The following LRRC4C variants were observed in gnomAD, a reference collection of about 807,000 sequenced individuals.
LRRC4C encodes the protein leucine-rich repeat-containing protein 4C.
In LRRC4C, 5 loss-of-function variants were observed where a neutral mutation model predicts 33.6. That is an observed-to-expected ratio of 0.15 (90% CI 0.08 to 0.31). The LOEUF (loss-of-function observed/expected upper bound fraction) is 0.31. LRRC4C is among the 10% of genes least tolerant of loss of function. The pLI is 1.00. For missense variants in LRRC4C, 560 were observed against 796.7 expected, an observed-to-expected ratio of 0.70 and a Z score of 3.58; for synonymous variants, 329 against 302.0, an observed-to-expected ratio of 1.09 and a Z score of -0.93.
intron 3 of LRRC4C, among the ~76,000 whole-genome samples, chr11:40,558,076 C>G (rs1957400231): frequency 6.6e-6 from 1 of 151,886 alleles, no homozygotes; most frequent in African/African-American, 2.4e-5. Context: ...GAGAAGATCT[C>G]TGTCTTTGAA....
rs146896274 is a variant in LRRC4C at position 40,509,606 on chromosome 11, C to A, written c.-270+138536G>T. Among the ~76,000 whole-genome samples, 131 of 151,970 alleles carry A rather than the reference C, an allele frequency of 8.6e-4. 1 individual carries two copies. The East Asian group carries it at 0.025, about 29-fold the overall frequency. Reference sequence around the variant, plus strand: ...GTTTTCGGGACTGCCTTCTTTAGTGCATTTCATAGTGCCTAGTAATATTGG... The same window carrying A: ...GTTTTCGGGACTGCCTTCTTTAGTGAATTTCATAGTGCCTAGTAATATTGG... On this transcript the variant is annotated intron_variant, in intron 3 of 6. Coordinates refer to ENST00000528697, the MANE Select transcript of LRRC4C (RefSeq NM_001258419.2).
chr11:40,386,151 T>C (rs1949103153), intron 3 of LRRC4C, among the ~76,000 whole-genome samples: 1 of 151,924 alleles, frequency 6.6e-6, no homozygotes, highest in Non-Finnish European at 1.5e-5. Flanking sequence ...ACAGAATAAC[T>C]GAAAAATATA....
intron 3 of LRRC4C, among the ~76,000 whole-genome samples, chr11:40,325,656 T>G (rs1019981177): frequency 1.3e-5 from 2 of 152,114 alleles, no homozygotes. Context: ...AAACCATATT[T>G]GCTAGGATTA....
At chr11:40,475,651 G>A (rs1953177176) in intron 3 of LRRC4C, among the ~76,000 whole-genome samples, 1 of 151,986 alleles carries the variant, frequency 6.6e-6, no homozygotes, top group Admixed American at 6.6e-5. Context: ...TGGTTCAGTG[G>A]CGCTACTAAT....
chr11:40,221,362 A>T (rs1426771201), intron 5 of LRRC4C, among the ~76,000 whole-genome samples: 1 of 152,176 alleles, frequency 6.6e-6, no homozygotes, highest in Non-Finnish European at 1.5e-5. Context: ...GGATCAGTCT[A>T]TCGGATTGCC....
chr11:40,936,606 G>T (rs1490049560), intron 1 of LRRC4C, among the ~76,000 whole-genome samples: 1 of 151,968 alleles, frequency 6.6e-6, no homozygotes, highest in Admixed American at 6.6e-5. Flanking sequence ...AAAGTGCTGG[G>T]ATTACAGGTG....
At chr11:41,454,080 T>G (rs1332495122) in intron 1 of LRRC4C, among the ~76,000 whole-genome samples, 1 of 152,054 alleles carries the variant, frequency 6.6e-6, no homozygotes, top group Non-Finnish European at 1.5e-5. Flanking sequence ...ACCCACAACC[T>G]GAAGGACAAA....
At chr11:41,193,325 T>C (rs1020850648) in intron 1 of LRRC4C, among the ~76,000 whole-genome samples, 4 of 152,120 alleles carry the variant, frequency 2.6e-5, no homozygotes, top group African/African-American at 9.7e-5. Context: ...ACCATCTGAT[T>C]CAGTCTCTAG....
chr11:40,578,483 G>A (rs1033620240), intron 3 of LRRC4C, among the ~76,000 whole-genome samples: 3 of 151,732 alleles, frequency 2.0e-5, no homozygotes, highest in African/African-American at 4.8e-5. Context: ...TAATTTTTAG[G>A]TCATAAGATG....
intron 3 of LRRC4C, among the ~76,000 whole-genome samples, chr11:40,541,082 G>C (rs1180509224): frequency 2.6e-5 from 4 of 152,076 alleles, no homozygotes; most frequent in Non-Finnish European, 4.4e-5. Flanking sequence ...ATAGAAATGA[G>C]GCACACAAAA....
At position 40,922,376 on chromosome 11, in the gene LRRC4C, C is replaced by T. The variant is rs148349696; in HGVS notation, c.-407+11259G>A. ...TTATCTCTTAAACCATAGCTATTTCCTTTGTAAGGCTGTCCACTTAATCTT... is the reference window on the plus strand; with the variant it reads ...TTATCTCTTAAACCATAGCTATTTCTTTTGTAAGGCTGTCCACTTAATCTT... On this transcript the variant is annotated intron_variant, in intron 2 of 6. Transcript: ENST00000528697. Among the ~76,000 whole-genome samples the T allele has an allele frequency of 2.6e-5, 4 of 152,286 alleles. No individual in the cohort carries two copies. In the East Asian group the frequency reaches 7.7e-4, roughly 29 times the overall value.
chr11:41,013,971 G>A (rs574489296), intron 1 of LRRC4C, among the ~76,000 whole-genome samples: 4 of 152,250 alleles, frequency 2.6e-5, no homozygotes, highest in Admixed American at 1.3e-4. Flanking sequence ...ACCAAGCCAT[G>A]AGGGATCCAC....
At chr11:40,894,134 A>G (rs1180312599) in intron 2 of LRRC4C, among the ~76,000 whole-genome samples, 6 of 152,168 alleles carry the variant, frequency 3.9e-5, no homozygotes, top group Admixed American at 2.6e-4. Context: ...TAATGCTAAA[A>G]TTGTTAGATA....
intron 1 of LRRC4C, among the ~76,000 whole-genome samples, chr11:40,942,905 TA>T (rs753202212): frequency 5.9e-5 from 9 of 152,156 alleles, no homozygotes; most frequent in Non-Finnish European, 1.2e-4. Context: ...CCATAACCCC[TA>T]TTACTAACTT....
At chr11:41,234,859 G>A (rs1947950129) in intron 1 of LRRC4C, among the ~76,000 whole-genome samples, 1 of 152,074 alleles carries the variant, frequency 6.6e-6, no homozygotes, top group East Asian at 1.9e-4. Flanking sequence ...AAGTAGTGAA[G>A]GTGGACTATG....
At chr11:41,351,914 A>G (rs2137576839) in intron 1 of LRRC4C, among the ~76,000 whole-genome samples, 1 of 152,206 alleles carries the variant, frequency 6.6e-6, no homozygotes, top group East Asian at 1.9e-4. Flanking sequence ...ACTTGACACC[A>G]CAATAAATAC....
In LRRC4C at chr11:40,853,748, A is replaced by G. The variant is rs1398786682; in HGVS notation, c.-407+79887T>C. On this transcript the variant is annotated intron_variant, in intron 2 of 6. Coordinates refer to ENST00000528697, the MANE Select transcript of LRRC4C (RefSeq NM_001258419.2). ...ATGATTAGAGGACTGAACAGGGTGA[A>G]CTGTGTTATGGAGGGAAGGAAATGT... Among the ~76,000 whole-genome samples, 7 of 152,170 alleles carry G rather than the reference A, an allele frequency of 4.6e-5. 1 individual carries two copies. Among genetic ancestry groups the G allele is most frequent in the Admixed American group, 4.6e-4 (7 of 15,264 alleles).
intron 6 of LRRC4C, among the ~76,000 whole-genome samples, chr11:40,134,941 A>T (rs1856868911): frequency 6.6e-6 from 1 of 152,126 alleles, no homozygotes; most frequent in African/African-American, 2.4e-5. Context: ...AAAACCTGAT[A>T]AGGAAACTCT....
At chr11:41,047,803 A>T (rs1857883275) in intron 1 of LRRC4C, among the ~76,000 whole-genome samples, 1 of 152,140 alleles carries the variant, frequency 6.6e-6, no homozygotes, top group South Asian at 2.1e-4. Context: ...CAAGAAAAAT[A>T]AAATTTCCCC....
Sources: gnomAD v4.1 joint callset for allele counts (sites outside exome capture counted in the v4.1 genomes callset) on GRCh38, gnomAD v4.1.1 for gene constraint, MANE v1.5 for transcripts, NCBI Gene and HGNC (gene_info 2026-07-23, HGNC 2026-07-21) for gene names.